Variants in TENM4 observed in about 807,000 individuals in gnomAD.
TENM4 encodes the protein teneurin transmembrane protein 4, also known as teneurin-4.
Under a neutral mutation model 243.3 loss-of-function variants are expected in TENM4, and 82 were observed. That is an observed-to-expected ratio of 0.34 (90% confidence interval 0.28 to 0.40). The LOEUF (loss-of-function observed/expected upper bound fraction) is 0.40. Among genes scored for constraint, TENM4 ranks in the 10% least tolerant of loss-of-function variants. The pLI is 1.00. For missense variants in TENM4, 3,138 were observed against 3,673.3 expected (o/e 0.85, Z 3.77); for synonymous variants, 1,412 against 1,456.3 (o/e 0.97, Z 0.69).
intron 1 of TENM4, among the ~76,000 whole-genome samples, chr11:79,346,397 A>T (rs886826023): frequency 6.6e-6 from 1 of 152,178 alleles, no homozygotes; most frequent in African/African-American, 2.4e-5. Context: ...ACAGATGCTT[A>T]TCATGCTGTC....
chr11:79,241,915 C>G (rs1474054138), intron 2 of TENM4, among the ~76,000 whole-genome samples: 1 of 152,188 alleles, frequency 6.6e-6, no homozygotes, highest in African/African-American at 2.4e-5. Flanking sequence ...CAGGTGGAAT[C>G]CGGAACAGAG....
At chr11:79,058,259 A>C (rs1279897853) in intron 6 of TENM4, among the ~76,000 whole-genome samples, 7 of 152,012 alleles carry the variant, frequency 4.6e-5, no homozygotes, top group Admixed American at 4.6e-4. Flanking sequence ...AAGAAGGATA[A>C]TGGGCCAGGT....
chr11:79,277,344 C>T (rs570446616), intron 2 of TENM4, among the ~76,000 whole-genome samples: 1 of 152,280 alleles, frequency 6.6e-6, no homozygotes, highest in South Asian at 2.1e-4. Flanking sequence ...AGGAACACTG[C>T]TAAGGATTTT....
At chr11:79,318,123 G>A (rs1441368267) in intron 1 of TENM4, among the ~76,000 whole-genome samples, 4 of 152,094 alleles carry the variant, frequency 2.6e-5, no homozygotes, top group Non-Finnish European at 4.4e-5. Flanking sequence ...GAAATAGTGC[G>A]CTCTGAGAAA....
intron 18 of TENM4, among the ~76,000 whole-genome samples, chr11:78,758,654 T>C (rs985568777): frequency 2.0e-5 from 3 of 152,212 alleles, no homozygotes; most frequent in Non-Finnish European, 4.4e-5. Context: ...TTGCTAGTGG[T>C]GTGGCCTCAG....
intron 1 of TENM4, among the ~76,000 whole-genome samples, chr11:79,403,973 C>T (rs1858515855): frequency 6.6e-6 from 1 of 152,204 alleles, no homozygotes; most frequent in South Asian, 2.1e-4. Flanking sequence ...CATTTGAACC[C>T]AGCTTCAGTT....
At chr11:79,183,613 A>C (rs1358783114) in intron 3 of TENM4, among the ~76,000 whole-genome samples, 1 of 152,170 alleles carries the variant, frequency 6.6e-6, no homozygotes, top group Non-Finnish European at 1.5e-5. Flanking sequence ...CTGGTTTGGG[A>C]TATTGATGTG....
intron 10 of TENM4, among the ~76,000 whole-genome samples, chr11:78,861,156 C>T (rs1026226445): frequency 6.6e-6 from 1 of 152,216 alleles, no homozygotes; most frequent in Admixed American, 6.5e-5. Flanking sequence ...TGGCATCTGA[C>T]GCTAGAAGCT....
At chr11:79,283,333 T>C (rs72949027) in intron 2 of TENM4, among the ~76,000 whole-genome samples, 11 of 151,870 alleles carry the variant, frequency 7.2e-5, no homozygotes, top group Non-Finnish European at 1.5e-4. Context: ...AACATTAAAT[T>C]GAATCCAACA....
At chr11:78,677,216 C>T (rs1185645815) in intron 29 of TENM4, among the ~76,000 whole-genome samples, 1 of 150,462 alleles carries the variant, frequency 6.6e-6, no homozygotes, top group Non-Finnish European at 1.5e-5. Context: ...AAATAGATTC[C>T]TAAAAGTAGG....
intron 6 of TENM4, among the ~76,000 whole-genome samples, chr11:79,012,880 T>C (rs1858681449): frequency 6.6e-6 from 1 of 152,132 alleles, no homozygotes; most frequent in Admixed American, 6.5e-5. Flanking sequence ...ATTGTTCTCA[T>C]CCAAGATGGC....
intron 6 of TENM4, among the ~76,000 whole-genome samples, chr11:78,993,983 TG>T (rs1207957348): frequency 1.3e-5 from 2 of 152,198 alleles, no homozygotes; most frequent in African/African-American, 4.8e-5. Flanking sequence ...CCTAAAAAAA[TG>T]TTGAGTTTTT....
chr11:79,355,158 A>G (rs1481338408), intron 1 of TENM4, among the ~76,000 whole-genome samples: 1 of 152,234 alleles, frequency 6.6e-6, no homozygotes, highest in Non-Finnish European at 1.5e-5. Context: ...CATGTTGACC[A>G]ATCAAAACTC....
chr11:79,264,644 A>C (rs1373112395), intron 2 of TENM4, among the ~76,000 whole-genome samples: 1 of 152,140 alleles, frequency 6.6e-6, no homozygotes, highest in Non-Finnish European at 1.5e-5. Flanking sequence ...GCCCAAACAA[A>C]CAAAATCTCT....
At chr11:79,163,978 G>C (rs1219534122) in intron 3 of TENM4, among the ~76,000 whole-genome samples, 55 of 126,712 alleles carry the variant, frequency 4.3e-4, no homozygotes, top group African/African-American at 1.6e-3. Flanking sequence ...TATATATAGT[G>C]TATATATAGT....
Position 79,374,559 on chromosome 11 carries a change from G to GAT in TENM4, c.-321+65948_-321+65949dup, listed in dbSNP as rs1217651326. 1.0e-4 allele frequency among the ~76,000 whole-genome samples: 13 copies of GAT among 125,630 alleles called. 1 individual carries two copies. Among genetic ancestry groups the GAT allele is most frequent in the Admixed American group, 4.4e-4 (6 of 13,730 alleles). 82.4% of individuals were successfully genotyped at this position (125,630 alleles called of 152,430 possible). On this transcript the variant is annotated intron_variant, in intron 1 of 33. Coordinates refer to ENST00000278550, the MANE Select transcript of TENM4 (RefSeq NM_001098816.3). ...ATATCTATATCTATATATCTATATA[G>GAT]ATATAGATATATCTACACATAAACC...
At position 79,064,942 on chromosome 11, in the gene TENM4, G is replaced by A. The variant is rs752626042; in HGVS notation, c.289C>T (p.Arg97Trp). The change falls in exon 6 of 34, where the codon CGG (arginine) becomes TGG (tryptophan). Residue 97 changes from arginine to tryptophan, a missense_variant. This residue lies in a region of TENM4 where 671 missense variants were observed against 614.1 expected (regional missense o/e 1.09). Transcript: ENST00000278550. ...EVTPPHGTLY[R>W]TDIGLPHCGY... The stretch of plus-strand genomic sequence containing the variant: ...CAGTGGGGGAGGCCAATGTCTGTCC[G>A]GTACAGGGTCCCGTGAGGGGGCGTT... The A allele has an allele frequency of 7.3e-5, 110 of 1,510,386 alleles. No individual in the cohort carries two copies. Among genetic ancestry groups the A allele is most frequent in the Non-Finnish European group, 9.1e-5 (102 of 1,122,904 alleles). 93.6% of individuals were successfully genotyped at this position (1,510,386 alleles called of 1,614,324 possible).
chr11:79,064,756 G>A lies in TENM4; in HGVS notation c.475C>T (p.His159Tyr), dbSNP rs1203298775. Residue 159 changes from histidine (H) to tyrosine (Y), a missense_variant, in exon 6 of 34, where the codon CAT becomes TAT. Transcript: ENST00000278550. ...NSNLTLTDTE[H>Y]ENTETDHPGG... ...CACTCACCAGTCTCAGTGTTTTCAT[G>A]CTCGGTGTCGGTGAGTGTGAGATTG... 7.7e-6 allele frequency: 12 copies of A among 1,551,584 alleles called. No homozygotes were observed. Among genetic ancestry groups the A allele is most frequent in the Non-Finnish European group, 1.0e-5 (12 of 1,147,010 alleles).
chr11:79,161,839 T>C (rs916529941), intron 3 of TENM4, among the ~76,000 whole-genome samples: 7 of 152,204 alleles, frequency 4.6e-5, no homozygotes, highest in Non-Finnish European at 1.5e-5. Context: ...CTAACATGGG[T>C]TGAGTACTAA....
Sources: allele counts gnomAD v4.1 joint callset (sites outside exome capture counted in the v4.1 genomes callset), GRCh38; gene constraint gnomAD v4.1.1; regional missense constraint gnomAD v4.1.1; transcripts MANE v1.5; gene names NCBI Gene and HGNC (gene_info 2026-07-23, HGNC 2026-07-21).